MINK1: variants seen among roughly 807,000 people sequenced by gnomAD.
The protein encoded by MINK1 is misshapen-like kinase 1.
MINK1 carries 46 observed loss-of-function variants against 178.4 expected under a neutral mutation model. The ratio of observed to expected loss-of-function variants is 0.26; its 90% CI spans 0.20 to 0.33. The LOEUF is 0.33. Ranked by LOEUF, MINK1 falls within the 10% of genes least tolerant of loss-of-function variation. MINK1 has a pLI of 1.00. For synonymous variants in MINK1, 797 were observed against 709.7 expected (o/e 1.12, Z -1.96); for missense variants, 1,366 against 1,814.9 (o/e 0.75, Z 4.49).
In MINK1 at chr17:4,896,933, A is replaced by T. The variant is rs150660678; in HGVS notation, c.3915+120A>T. ...CTTCCTGAAAGCGGGCCCCTCTGGG[A>T]GCTCAGAGGGCAGTCAGCCACTACC... On this transcript the variant is annotated intron_variant, in intron 31 of 31. Coordinates refer to ENST00000355280, the MANE Select transcript of MINK1 (RefSeq NM_153827.5). This position sits in a 1 kb window ranked among gnomAD's most constrained non-coding sequence, Gnocchi z 4.6. The T allele has an allele frequency of 4.2e-3, 5,660 of 1,340,532 alleles. 21 individuals are homozygous for T. Among genetic ancestry groups the T allele is most frequent in the Non-Finnish European group, 5.1e-3 (5,088 of 1,002,024 alleles). 83.0% of individuals were successfully genotyped at this position (1,340,532 alleles called of 1,614,324 possible). A position where few individuals can be genotyped will look rare whatever the true frequency, so the allele number is the denominator to read the frequency against.
rs550270391 is a variant in MINK1, at chr17:4,857,220, A to G, written c.58-21097A>G. 274 of 315,648 alleles carry G rather than the reference A, an allele frequency of 8.7e-4. 1 individual carries two copies. The highest frequency in any genetic ancestry group is 1.6e-3 in the South Asian group (56 of 35,420). The allele number at this position is 315,648 out of a possible 1,614,324, so 19.6% of individuals were successfully genotyped here. ...CATGACCACTGGGATGATGGACTTC[A>G]TGTGGATCAGCTCTGGCCACATGAC... On this transcript the variant is annotated intron_variant, in intron 1 of 31. Transcript: ENST00000355280.
chr17:4,890,352 C>G, intron 13 of MINK1, 165 bp from the exon 14 acceptor site: 2 of 1,430,736 alleles, frequency 1.4e-6, no homozygotes, highest in Non-Finnish European at 1.8e-6. Flanking sequence ...CTTTTCAGAG[C>G]TTCTTTGCTG....
chr17:4,896,412 C>T lies in MINK1; in HGVS notation c.3616-17C>T, dbSNP rs915835564. Reference sequence around the variant, plus strand: ...GGCACCAGACACGGAGACTCTAGTCCCCCTCCTTCTCCCCAGATCCAGAGC... The same window carrying T: ...GGCACCAGACACGGAGACTCTAGTCTCCCTCCTTCTCCCCAGATCCAGAGC... On this transcript the variant is annotated splice_polypyrimidine_tract_variant and intron_variant, in intron 29 of 31. Coordinates refer to ENST00000355280, the MANE Select transcript of MINK1 (RefSeq NM_153827.5). This position sits in a 1 kb window ranked among gnomAD's most constrained non-coding sequence, Gnocchi z 4.6. 23 of 1,612,962 alleles carry T rather than the reference C, an allele frequency of 1.4e-5. No individual in the cohort carries two copies. Among genetic ancestry groups the T allele is most frequent in the African/African-American group, 9.4e-5 (7 of 74,864 alleles).
Position 4,895,068 on chromosome 17 carries a change from C to T in MINK1, c.2918-7C>T. On this transcript the variant is annotated splice_polypyrimidine_tract_variant and splice_region_variant and intron_variant, in intron 24 of 31. Coordinates refer to ENST00000355280, the MANE Select transcript of MINK1 (RefSeq NM_153827.5). The surrounding 1 kb of genome is among the most constrained non-coding windows in gnomAD (Gnocchi z 4.3). The stretch of plus-strand genomic sequence containing the variant: ...CCCCTCCTCCCACCTCCTCCTCCTT[C>T]TGGCAGCCCTAGTGGGTGGAGAGGG... 1.2e-6 allele frequency: 2 copies of T among 1,613,070 alleles called. No homozygotes were observed. Among genetic ancestry groups the T allele is most frequent in the Non-Finnish European group, 1.7e-6 (2 of 1,179,670 alleles).
chr17:4,850,546 C>T (rs1049811520), intron 1 of MINK1, among the ~76,000 whole-genome samples: 1 of 149,264 alleles, frequency 6.7e-6, no homozygotes, highest in African/African-American at 2.5e-5. Context: ...CCTGTTCTTC[C>T]TACAGCTGAC....
At position 4,886,644 on chromosome 17, in the gene MINK1, AG is replaced by A. The variant is rs201593814; in HGVS notation, c.949+23del. On this transcript the variant is annotated intron_variant, in intron 10 of 31. Transcript: ENST00000355280. This position sits in a 1 kb window ranked among gnomAD's most constrained non-coding sequence, Gnocchi z 6.1. The stretch of plus-strand genomic sequence containing the variant: ...TGAGAAAGGTCAGTGGGCAGGCTGG[AG>A]GGGGCAGGTACTAGGGGACACTCCA... 0.014 allele frequency: 22,010 copies of A among 1,566,232 alleles called. 220 individuals carry two copies. Among genetic ancestry groups the A allele is most frequent in the Non-Finnish European group, 0.016 (18,156 of 1,155,118 alleles).
rs1345111944 is a variant in MINK1, at chr17:4,833,484, GC to G, written c.-95del. 2.9e-6 allele frequency: 3 copies of G among 1,019,224 alleles called. No homozygotes were observed. Among genetic ancestry groups the G allele is most frequent in the Admixed American group, 5.4e-5 (2 of 37,040 alleles). The allele number at this position is 1,019,224 out of a possible 1,614,324, so 63.1% of individuals were successfully genotyped here. A position where few individuals can be genotyped will look rare whatever the true frequency, so the allele number is the denominator to read the frequency against. ...CTCCGGGGGAGGCGCGGTGGAGTCC[GC>G]CCCCGGGGTTCTCCGATGGGGGAGA... On this transcript the variant is annotated 5_prime_UTR_variant, in exon 1 of 32. Transcript: ENST00000355280. This position sits in a 1 kb window ranked among gnomAD's most constrained non-coding sequence, Gnocchi z 4.8.
chr17:4,840,687 GGATA>G (rs1298529202), intron 1 of MINK1, among the ~76,000 whole-genome samples: 7 of 152,146 alleles, frequency 4.6e-5, no homozygotes, highest in African/African-American at 1.4e-4. Flanking sequence ...TTCTAACATT[GGATA>G]GATAGTGTAT....
At chr17:4,848,045 GGAA>G (rs775195271) in intron 1 of MINK1, among the ~76,000 whole-genome samples, 15 of 152,048 alleles carry the variant, frequency 9.9e-5, no homozygotes, top group Non-Finnish European at 2.1e-4. Context: ...GGGAGAGAGA[GGAA>G]GAAGGAGGGA....
At position 4,895,265 on chromosome 17, in the gene MINK1, G is replaced by A. The variant is rs753053050; in HGVS notation, c.3085+23G>A. On this transcript the variant is annotated intron_variant, in intron 25 of 31. Transcript: ENST00000355280. The surrounding 1 kb of genome is among the most constrained non-coding windows in gnomAD (Gnocchi z 4.3). The stretch of plus-strand genomic sequence containing the variant: ...GGGGTAAGCCAGGGCAGGGACAGCT[G>A]AGGAGGCTCTGGCGTGGCTCTTGTG... 1 of 1,613,502 alleles carries A rather than the reference G, an allele frequency of 6.2e-7. No individual in the cohort carries two copies. The highest frequency in any genetic ancestry group is 2.2e-5 in the East Asian group (1 of 44,860).
In MINK1 at chr17:4,833,766, C is replaced by G. The variant is rs752855439; in HGVS notation, c.57+126C>G. On this transcript the variant is annotated intron_variant, in intron 1 of 31. Coordinates refer to ENST00000355280, the MANE Select transcript of MINK1 (RefSeq NM_153827.5). The surrounding 1 kb of genome is among the most constrained non-coding windows in gnomAD (Gnocchi z 4.8). The stretch of plus-strand genomic sequence containing the variant: ...ACCAGCTTGGGTCCCCTTGGCGACC[C>G]GTGCCCCTTTCCCGGACTCCCGCCG... 25 of 728,280 alleles carry G rather than the reference C, an allele frequency of 3.4e-5. 1 individual carries two copies. In the South Asian group the frequency reaches 5.0e-4, roughly 15 times the overall value. The allele number at this position is 728,280 out of a possible 1,614,324, so 45.1% of individuals were successfully genotyped here.
chr17:4,833,622 C>T lies in MINK1; in HGVS notation c.39C>T (p.Ile13=), dbSNP rs1908812643. Residue 13 remains isoleucine (I), a synonymous_variant, in exon 1 of 32, where the codon ATC becomes ATT. Transcript: ENST00000355280. This position sits in a 1 kb window ranked among gnomAD's most constrained non-coding sequence, Gnocchi z 4.8. ...CCCCCGCCCGCAGCCTGGACGACATCGACCTGTCCGCCCTGCGGGTGAGCG... is the reference window on the plus strand; with the variant it reads ...CCCCCGCCCGCAGCCTGGACGACATTGACCTGTCCGCCCTGCGGGTGAGCG... ...DPAPARSLDD[I]DLSALRDPAG... 2 of 1,501,612 alleles carry T rather than the reference C, an allele frequency of 1.3e-6. No individual in the cohort carries two copies. Among genetic ancestry groups the T allele is most frequent in the Non-Finnish European group, 1.8e-6 (2 of 1,132,106 alleles). The allele number at this position is 1,501,612 out of a possible 1,614,324, so 93.0% of individuals were successfully genotyped here.
rs1787365522 is a variant in MINK1, at chr17:4,833,634, C to T, written c.51C>T (p.Ala17=). The T allele has an allele frequency of 1.3e-6, 2 of 1,496,590 alleles. No individual in the cohort carries two copies. Among genetic ancestry groups the T allele is most frequent in the Non-Finnish European group, 1.8e-6 (2 of 1,129,590 alleles). The allele number at this position is 1,496,590 out of a possible 1,614,324, so 92.7% of individuals were successfully genotyped here. A position where few individuals can be genotyped will look rare whatever the true frequency, so the allele number is the denominator to read the frequency against. The part of the protein sequence containing the change: ...ARSLDDIDLS[A]LRDPAGIFEL... ...GCCTGGACGACATCGACCTGTCCGC[C>T]CTGCGGGTGAGCGCGCCGTCCCCCA... Residue 17 remains alanine (A), a synonymous_variant, in exon 1 of 32, where the codon GCC becomes GCT. Coordinates refer to ENST00000355280, the MANE Select transcript of MINK1 (RefSeq NM_153827.5). The surrounding 1 kb of genome is among the most constrained non-coding windows in gnomAD (Gnocchi z 4.8).
At chr17:4,890,347 C>G in intron 13 of MINK1, 170 bp from the exon 14 acceptor site, 1 of 1,429,554 alleles carries the variant, frequency 7.0e-7, no homozygotes, top group Non-Finnish European at 9.1e-7. Context: ...AGATGCTTTT[C>G]AGAGCTTCTT....
intron 31 of MINK1, 38 bp from the exon 32 acceptor site, chr17:4,897,166 C>T (rs761066129): frequency 2.1e-5 from 33 of 1,579,698 alleles, no homozygotes; most frequent in Non-Finnish European, 2.8e-5. Flanking sequence ...ACCCCCCCAA[C>T]CTCAGCCCTT....
At chr17:4,844,038 T>C (rs1910633426) in intron 1 of MINK1, among the ~76,000 whole-genome samples, 1 of 152,182 alleles carries the variant, frequency 6.6e-6, no homozygotes, top group Admixed American at 6.6e-5. Flanking sequence ...ACTCTTGCTC[T>C]GTTGCCCAGG....
chr17:4,895,853 T>G lies in MINK1; in HGVS notation c.3364+21T>G, dbSNP rs746036969. 13 of 1,610,718 alleles carry G rather than the reference T, an allele frequency of 8.1e-6. No individual in the cohort carries two copies. The African/African-American group carries it at 1.7e-4, about 22-fold the overall frequency. On this transcript the variant is annotated intron_variant, in intron 27 of 31. Transcript: ENST00000355280. The surrounding 1 kb of genome is among the most constrained non-coding windows in gnomAD (Gnocchi z 4.3). ...TGTTGGTGAGGATGTCCCAACAGAG[T>G]GGCCAGCGCATACTTGTTCATGAAG... is the stretch of plus-strand genomic sequence containing the variant.
intron 12 of MINK1, among the ~76,000 whole-genome samples, chr17:4,889,179 G>A (rs2151029751): frequency 6.6e-6 from 1 of 152,290 alleles, no homozygotes; most frequent in Admixed American, 6.5e-5. Flanking sequence ...AGTACCACCT[G>A]GGCACTGGTG....
intron 1 of MINK1, among the ~76,000 whole-genome samples, chr17:4,853,658 C>A (rs1912573994): frequency 6.6e-6 from 1 of 152,074 alleles, no homozygotes; most frequent in African/African-American, 2.4e-5. Flanking sequence ...ACTGTGAAAG[C>A]ACCCTGTGAA....
Sources: gnomAD v4.1 joint callset for allele counts (sites outside exome capture counted in the v4.1 genomes callset) on GRCh38, gnomAD v4.1.1 for gene constraint, Gnocchi (gnomAD v3.1) non-coding constraint, MANE v1.5 for transcripts, NCBI Gene and HGNC (gene_info 2026-07-23, HGNC 2026-07-21) for gene names.